BRWD1: variants seen among roughly 807,000 people sequenced by gnomAD.
BRWD1 encodes the protein bromodomain and WD repeat-containing protein 1.
A neutral mutation model predicts 251.2 loss-of-function variants in BRWD1; 82 were observed. The observed-to-expected ratio is 0.33, with a 90% CI of 0.27 to 0.39. The LOEUF (loss-of-function observed/expected upper bound fraction) is 0.39, where lower values mean the gene tolerates loss of function less well. Ranked by LOEUF, BRWD1 falls within the 10% of genes least tolerant of loss-of-function variation. The pLI, the probability that BRWD1 is intolerant of heterozygous loss-of-function variation, is 1.00. For synonymous variants in BRWD1, 918 were observed against 902.8 expected, an observed-to-expected ratio of 1.02 and a Z score of -0.30; for missense variants, 2,233 against 2,711.6, an observed-to-expected ratio of 0.82 and a Z score of 3.92.
chr21:39,298,027 C>A, intron 5 of BRWD1: 1 of 986,378 alleles, frequency 1.0e-6, no homozygotes, highest in Non-Finnish European at 1.2e-6. Context: ...AAAATCACTT[C>A]CCTTTATAAC....
At chr21:39,258,232 GCTC>G (rs1468442362) in intron 18 of BRWD1, among the ~76,000 whole-genome samples, 3 of 152,050 alleles carry the variant, frequency 2.0e-5, no homozygotes, top group East Asian at 1.9e-4. Flanking sequence ...TCTGTTATTC[GCTC>G]CTATTTAATA....
intron 4 of BRWD1, among the ~76,000 whole-genome samples, chr21:39,311,059 T>C (rs1158713828): frequency 6.6e-6 from 1 of 150,750 alleles, no homozygotes; most frequent in Non-Finnish European, 1.5e-5. Context: ...AGATGCCATA[T>C]GTCATAGCCA....
intron 25 of BRWD1, among the ~76,000 whole-genome samples, chr21:39,230,008 G>C (rs955778019): frequency 1.3e-5 from 2 of 152,018 alleles, no homozygotes; most frequent in Non-Finnish European, 2.9e-5. Context: ...CAAAGTGCTG[G>C]GATTATAGGT....
chr21:39,200,707 C>T (rs542981414), intron 38 of BRWD1, among the ~76,000 whole-genome samples: 1 of 152,192 alleles, frequency 6.6e-6, no homozygotes, highest in South Asian at 2.1e-4. Flanking sequence ...AGCTGCAGGC[C>T]GGGCACGGTG....
intron 13 of BRWD1, among the ~76,000 whole-genome samples, chr21:39,272,305 TAAA>T (rs1364638823): frequency 3.6e-5 from 4 of 110,124 alleles, no homozygotes; most frequent in African/African-American, 1.3e-4. Flanking sequence ...AAAACTTAAA[TAAA>T]TAAAAAAAAA....
Position 39,200,363 on chromosome 21 carries a change from C to T in BRWD1, c.4609G>A (p.Ala1537Thr). ...LSESEVEDSL[A>T]TSLSSSASSS... ...GAAGCTGACGATGACAAAGAGGTAG[C>T]TAAAGAATCTTCCACTTCACTTTCT... is the stretch of plus-strand genomic sequence containing the variant. The change falls in exon 39 of 41, where the codon GCT becomes ACT. Residue 1537 changes from alanine (A) to threonine (T), a missense_variant. Coordinates refer to ENST00000342449, the MANE Select transcript of BRWD1 (RefSeq NM_033656.4). The T allele has an allele frequency of 3.1e-6, 5 of 1,612,222 alleles. No homozygotes were observed. The highest frequency in any genetic ancestry group is 4.2e-6 in the Non-Finnish European group (5 of 1,179,550).
chr21:39,257,558 A>T (rs541127543), intron 18 of BRWD1, among the ~76,000 whole-genome samples: 2 of 152,098 alleles, frequency 1.3e-5, no homozygotes, highest in Admixed American at 1.3e-4. Flanking sequence ...TTTTTTTTTA[A>T]AAAAGGCCAT....
intron 33 of BRWD1, among the ~76,000 whole-genome samples, chr21:39,213,266 A>C (rs1242942904): frequency 6.6e-6 from 1 of 152,184 alleles, no homozygotes; most frequent in Non-Finnish European, 1.5e-5. Flanking sequence ...AATATATTCC[A>C]CACCTAAAGT....
rs1344643469 is a variant in BRWD1 at position 39,312,754 on chromosome 21, C to G, written c.198+87G>C. On this transcript the variant is annotated intron_variant, in intron 4 of 40. Transcript: ENST00000342449. ...CCAGTGCGGGTCACACTTTGCACCC[C>G]ACGGGCCGGGGTCCCCGCGAGGGGA... The G allele has an allele frequency of 5.3e-6, 6 of 1,122,136 alleles. No individual in the cohort carries two copies. In the Admixed American group the frequency reaches 1.1e-4, roughly 21 times the overall value. The allele number at this position is 1,122,136 out of a possible 1,614,324, so 69.5% of individuals were successfully genotyped here.
At chr21:39,306,491 C>T (rs2036293239) in intron 4 of BRWD1, among the ~76,000 whole-genome samples, 1 of 152,034 alleles carries the variant, frequency 6.6e-6, no homozygotes, top group African/African-American at 2.4e-5. Context: ...AGAACTGAGC[C>T]TAAGAATTCG....
intron 4 of BRWD1, 194 bp downstream of exon 4, chr21:39,312,647 G>C (rs958833758): frequency 4.8e-6 from 2 of 419,918 alleles, no homozygotes; most frequent in Admixed American, 4.2e-5. Flanking sequence ...CCCAATGACT[G>C]TTTCCTGCCA....
chr21:39,241,473 T>TAAAAAAAAAAAAAAAAAAAAAAAAAA lies in BRWD1; in HGVS notation c.2482-2926_2482-2901dup, dbSNP rs61488970. Among the ~76,000 whole-genome samples the TAAAAAAAAAAAAAAAAAAAAAAAAAA allele has an allele frequency of 1.3e-4, 6 of 44,920 alleles. 1 individual carries two copies. Among genetic ancestry groups the TAAAAAAAAAAAAAAAAAAAAAAAAAA allele is most frequent in the Admixed American group, 4.9e-4 (1 of 2,044 alleles). The allele number at this position is 44,920 out of a possible 152,430, so 29.5% of individuals were successfully genotyped here. A position where few individuals can be genotyped will look rare whatever the true frequency, so the allele number is the denominator to read the frequency against. On this transcript the variant is annotated intron_variant, in intron 21 of 40. Transcript: ENST00000342449. Reference sequence around the variant, plus strand: ...ACAGAGCAAGATTCCATCTCCAAAGTAAAAAAAAAAAAAAAAAAAAAAAAA... The same window carrying TAAAAAAAAAAAAAAAAAAAAAAAAAA: ...ACAGAGCAAGATTCCATCTCCAAAGTAAAAAAAAAAAAAAAAAAAAAAAAAAAAAAAAAAAAAAAAAAAAAAAAAAA...
At chr21:39,294,060 T>C (rs1332090942) in intron 7 of BRWD1, 28 bp from the exon 8 acceptor site, 2 of 1,570,038 alleles carry the variant, frequency 1.3e-6, no homozygotes, top group South Asian at 1.1e-5. Flanking sequence ...CAAAAATTAA[T>C]GTTAGTACAG....
intron 17 of BRWD1, among the ~76,000 whole-genome samples, chr21:39,260,204 C>T (rs148342793): frequency 6.7e-4 from 102 of 152,302 alleles, no homozygotes; most frequent in Middle Eastern, 3.4e-3. Context: ...GCTTATAACA[C>T]AAAATTCCTA....
intron 4 of BRWD1, among the ~76,000 whole-genome samples, chr21:39,299,524 T>C (rs2036050954): frequency 6.6e-6 from 1 of 152,124 alleles, no homozygotes. Flanking sequence ...TAATCATTTA[T>C]TTACTCCAAC....
rs765644477 is a variant in BRWD1, at chr21:39,276,223, G to A, written c.1105-10C>T. The A allele has an allele frequency of 6.3e-7, 1 of 1,591,836 alleles. No individual in the cohort carries two copies. The highest frequency in any genetic ancestry group is 2.2e-5 in the East Asian group (1 of 44,446). On this transcript the variant is annotated splice_polypyrimidine_tract_variant and intron_variant, in intron 11 of 40. Coordinates refer to ENST00000342449, the MANE Select transcript of BRWD1 (RefSeq NM_033656.4). ...TACTATCTACTTTATCCTAAAGGGG[G>A]GAAAAGGACAAATACAAAAATGATC...
At position 39,276,205 on chromosome 21, in the gene BRWD1, T is replaced by A; in HGVS notation, c.1113A>T (p.Val371=). 1.9e-6 allele frequency: 3 copies of A among 1,604,320 alleles called. No homozygotes were observed. The highest frequency in any genetic ancestry group is 2.6e-6 in the Non-Finnish European group (3 of 1,173,722). ...IAELESHTDK[V]DSIQFCNNGD... is the part of the protein sequence containing the mutation. ...CATTGTTACAAAATTGGATACTATC[T>A]ACTTTATCCTAAAGGGGGGAAAAGG... Residue 371 remains valine (V), a synonymous_variant, in exon 12 of 41, where the codon GTA becomes GTT. Coordinates refer to ENST00000342449, the MANE Select transcript of BRWD1 (RefSeq NM_033656.4).
rs777879656 is a variant in BRWD1 at position 39,293,974 on chromosome 21, G to A, written c.668C>T (p.Thr223Ile). ...AATTTCTGCAGAATGACCTCTTAAT[G>A]TAGATAACAAGCGGCCATTATGTGT... is the stretch of plus-strand genomic sequence containing the variant. ...WSTHNGRLLS[T>I]LRGHSAEISD... is the part of the protein sequence containing the mutation. The change falls in exon 8 of 41, where the codon ACA (threonine) becomes ATA (isoleucine). Residue 223 changes from threonine to isoleucine, a missense_variant. By Grantham distance (89) the Thr-to-Ile change is moderately conservative. Around this residue, in one of 12 missense-constraint regions of BRWD1, gnomAD observed 185 missense variants for 260.6 expected, o/e 0.71. Coordinates refer to ENST00000342449, the MANE Select transcript of BRWD1 (RefSeq NM_033656.4). 6.2e-7 allele frequency: 1 copy of A among 1,614,110 alleles called. No homozygotes were observed.
At chr21:39,248,539 G>A (rs943151198) in intron 20 of BRWD1, among the ~76,000 whole-genome samples, 3 of 151,466 alleles carry the variant, frequency 2.0e-5, no homozygotes, top group African/African-American at 7.3e-5. Context: ...TAGGGAGGCT[G>A]AGGGGGGAGG....
Sources: allele counts gnomAD v4.1 joint callset (sites outside exome capture counted in the v4.1 genomes callset), GRCh38; gene constraint gnomAD v4.1.1; regional missense constraint gnomAD v4.1.1; transcripts MANE v1.5; gene names NCBI Gene and HGNC (gene_info 2026-07-23, HGNC 2026-07-21).